Variants in GALNT17 observed in about 807,000 individuals in gnomAD.
The protein encoded by GALNT17 is polypeptide N-acetylgalactosaminyltransferase 17, also known as UDP-GalNAc:polypeptide N-acetylgalactosaminyltransferase-like 3.
GALNT17 carries 29 observed loss-of-function variants against 63.7 expected under a neutral mutation model. The observed-to-expected ratio is 0.46, with a 90% CI of 0.34 to 0.62. The LOEUF is 0.62. GALNT17 is among the 20% of genes least tolerant of loss of function. The pLI is 0.01. For missense variants in GALNT17, 603 were observed against 799.6 expected, an observed-to-expected ratio of 0.75 and a Z score of 2.97; for synonymous variants, 305 against 318.3, an observed-to-expected ratio of 0.96 and a Z score of 0.45.
intron 5 of GALNT17, among the ~76,000 whole-genome samples, chr7:71,475,198 G>A (rs1787703066): frequency 6.6e-6 from 1 of 152,208 alleles, no homozygotes; most frequent in African/African-American, 2.4e-5. Context: ...CTTCATGGAA[G>A]ATAGTTTTTC....
At chr7:71,161,797 C>A (rs753230410) in intron 1 of GALNT17, among the ~76,000 whole-genome samples, 8 of 151,990 alleles carry the variant, frequency 5.3e-5, no homozygotes, top group Non-Finnish European at 7.4e-5. Flanking sequence ...TTTATTGGGC[C>A]CTCAACTGTT....
chr7:71,624,654 A>G (rs1206382106), intron 6 of GALNT17, among the ~76,000 whole-genome samples: 1 of 152,210 alleles, frequency 6.6e-6, no homozygotes, highest in African/African-American at 2.4e-5. Context: ...TGTCCTATCT[A>G]TCGATTTTTA....
intron 5 of GALNT17, among the ~76,000 whole-genome samples, chr7:71,459,700 A>G (rs561398517): frequency 6.0e-4 from 91 of 151,966 alleles, no homozygotes; most frequent in Middle Eastern, 3.4e-3. Flanking sequence ...TGTGGGGGGG[A>G]AAATTGCATC....
At chr7:71,371,591 T>C (rs952603151) in intron 2 of GALNT17, among the ~76,000 whole-genome samples, 3 of 152,254 alleles carry the variant, frequency 2.0e-5, no homozygotes, top group Non-Finnish European at 1.5e-5. Flanking sequence ...TGTCTTTTAA[T>C]GTTATTTTGA....
chr7:71,485,472 T>C (rs1031178596), intron 5 of GALNT17, among the ~76,000 whole-genome samples: 3 of 152,206 alleles, frequency 2.0e-5, no homozygotes, highest in Non-Finnish European at 4.4e-5. Context: ...GGAGTGCCAG[T>C]CCTAGCTTCT....
At chr7:71,156,196 C>CA (rs773497172) in intron 1 of GALNT17, among the ~76,000 whole-genome samples, 1,758 of 131,954 alleles carry the variant, frequency 0.013, 32 homozygotes, top group Middle Eastern at 0.019. Flanking sequence ...AACTCCGTCT[C>CA]AAAAAAAAAA....
At chr7:71,161,422 G>T (rs559718137) in intron 1 of GALNT17, among the ~76,000 whole-genome samples, 94 of 152,178 alleles carry the variant, frequency 6.2e-4, no homozygotes, top group African/African-American at 2.2e-3. Flanking sequence ...TTCAATTGTT[G>T]ATTTGCATAC....
intron 6 of GALNT17, among the ~76,000 whole-genome samples, chr7:71,658,612 G>A (rs1049181507): frequency 2.0e-5 from 3 of 152,110 alleles, no homozygotes; most frequent in Non-Finnish European, 4.4e-5. Flanking sequence ...CCTCGGCCAG[G>A]TGCGGTGGCT....
At chr7:71,209,840 A>C (rs112212193) in intron 1 of GALNT17, among the ~76,000 whole-genome samples, 6,295 of 152,252 alleles carry the variant, frequency 0.041, 434 homozygotes, top group African/African-American at 0.14. Flanking sequence ...CACTTCTTAC[A>C]TGGCAGCAGC....
intron 1 of GALNT17, among the ~76,000 whole-genome samples, chr7:71,318,246 T>A (rs1306317210): frequency 3.3e-5 from 5 of 152,086 alleles, no homozygotes; most frequent in Admixed American, 6.6e-5. Flanking sequence ...CATTTTTTCA[T>A]CTGCATGGGT....
intron 1 of GALNT17, among the ~76,000 whole-genome samples, chr7:71,322,502 C>T (rs1428138797): frequency 1.3e-5 from 2 of 152,190 alleles, no homozygotes; most frequent in African/African-American, 4.8e-5. Flanking sequence ...AAATGTACCT[C>T]CAGTATTCGT....
intron 1 of GALNT17, among the ~76,000 whole-genome samples, chr7:71,147,280 A>G (rs1379824126): frequency 6.6e-6 from 1 of 152,186 alleles, no homozygotes; most frequent in African/African-American, 2.4e-5. Context: ...TTTCAGGAGC[A>G]AGGAGAGCCT....
intron 6 of GALNT17, among the ~76,000 whole-genome samples, chr7:71,626,691 A>T (rs764548521): frequency 1.3e-5 from 2 of 152,218 alleles, no homozygotes; most frequent in Non-Finnish European, 2.9e-5. Context: ...TTTGTCTGTT[A>T]TCCAAGGGGA....
At chr7:71,148,860 T>TATATA (rs1554333242) in intron 1 of GALNT17, among the ~76,000 whole-genome samples, 2,711 of 102,564 alleles carry the variant, frequency 0.026, 73 homozygotes, top group Middle Eastern at 0.043. Context: ...TATGGTATTT[T>TATATA]TATATATATA....
rs373573634 is a variant in GALNT17 at position 71,255,047 on chromosome 7, T to C, written c.239-80503T>C. 6.6e-5 allele frequency among the ~76,000 whole-genome samples: 10 copies of C among 152,358 alleles called. No individual in the cohort carries two copies. In the East Asian group the frequency reaches 1.5e-3, roughly 24 times the overall value. ...TGGGGAAGAATCTAGACTCACAGGA[T>C]GTTCAAGTTAGAACATTTCCCCAGT... On this transcript the variant is annotated intron_variant, in intron 1 of 10. Transcript: ENST00000333538.
intron 5 of GALNT17, among the ~76,000 whole-genome samples, chr7:71,448,357 A>ATGTG (rs113851150): frequency 0.052 from 7,678 of 147,640 alleles, 371 homozygotes; most frequent in African/African-American, 0.13. Flanking sequence ...CTTCGTGTGT[A>ATGTG]TGTGTGTGTG....
At chr7:71,376,543 G>A (rs373909929) in intron 2 of GALNT17, among the ~76,000 whole-genome samples, 9 of 142,804 alleles carry the variant, frequency 6.3e-5, no homozygotes, top group South Asian at 2.2e-4. Flanking sequence ...TTCTGCTCCC[G>A]TATGTGTGCG....
intron 1 of GALNT17, among the ~76,000 whole-genome samples, chr7:71,255,632 G>A (rs1790275158): frequency 6.6e-6 from 1 of 152,188 alleles, no homozygotes; most frequent in African/African-American, 2.4e-5. Flanking sequence ...ATGCTTGTGA[G>A]TTCAGGGGAG....
intron 5 of GALNT17, among the ~76,000 whole-genome samples, chr7:71,539,062 C>G (rs1004015749): frequency 3.9e-5 from 6 of 152,170 alleles, no homozygotes; most frequent in Non-Finnish European, 1.5e-5. Flanking sequence ...TCCCGAGTAG[C>G]TGGGATTCCA....
Sources: gnomAD v4.1 joint callset for allele counts (sites outside exome capture counted in the v4.1 genomes callset) on GRCh38, gnomAD v4.1.1 for gene constraint, MANE v1.5 for transcripts, NCBI Gene and HGNC (gene_info 2026-07-23, HGNC 2026-07-21) for gene names.